AOC2: variants seen among roughly 807,000 people sequenced by gnomAD.
The protein encoded by AOC2 is amine oxidase copper containing 2.
A neutral mutation model predicts 53.8 loss-of-function variants in AOC2; 57 were observed. The observed-to-expected ratio is 1.06, with a 90% CI of 0.86 to 1.32. The LOEUF is 1.32. Among genes scored for constraint, AOC2 ranks in the 40% most tolerant of loss-of-function variants. The pLI is 0.00. For missense variants in AOC2, 1,008 were observed against 957.2 expected, an observed-to-expected ratio of 1.05 and a Z score of -0.70; for synonymous variants, 404 against 399.0, an observed-to-expected ratio of 1.01 and a Z score of -0.15.
chr17:42,844,825 G>A lies in AOC2; in HGVS notation c.199G>A (p.Val67Met), dbSNP rs2055577088. 12 of 1,613,656 alleles carry A rather than the reference G, an allele frequency of 7.4e-6. No homozygotes were observed. Among genetic ancestry groups the A allele is most frequent in the Admixed American group, 1.7e-5 (1 of 60,016 alleles). The change falls in exon 1 of 4, where the codon GTG (valine) becomes ATG (methionine). Residue 67 changes from valine to methionine, a missense_variant. Transcript: ENST00000253799. ...CCTGAGCCGAGAGGAGTTGACAGCT[G>A]TGATGCGCTTTCTGACCCAGCGGCT... ...ADLSREELTAVMRFLTQRLGP... is the reference protein window; with the variant it reads ...ADLSREELTAMMRFLTQRLGP...
Position 42,844,975 on chromosome 17 carries a change from G to T in AOC2, c.349G>T (p.Ala117Ser). The change falls in exon 1 of 4, where the codon GCC (alanine) becomes TCC (serine). Residue 117 changes from alanine to serine, a missense_variant. Ala to Ser is a moderately conservative substitution (Grantham distance 99). Transcript: ENST00000253799. ...CCTGGACAGGGGGAGCCCCCCACCT[G>T]CCCGGGAGGCACTGGCCATCGTCCT... ...AHLDRGSPPP[A>S]REALAIVLFG... is the part of the protein sequence containing the mutation. 6.2e-7 allele frequency: 1 copy of T among 1,611,072 alleles called. No homozygotes were observed. Among genetic ancestry groups the T allele is most frequent in the East Asian group, 2.2e-5 (1 of 44,824 alleles).
rs201532019 is a variant in AOC2, at chr17:42,845,352, A to G, written c.726A>G (p.Leu242=). The change falls in exon 1 of 4, where the codon CTA becomes CTG. Residue 242 remains leucine (L), a synonymous_variant. Coordinates refer to ENST00000253799, the MANE Select transcript of AOC2 (RefSeq NM_009590.4). ...LFLHPVGLEL[L]LDHRALDPAH... is the part of the protein sequence containing the mutation. The stretch of plus-strand genomic sequence containing the variant: ...TTCACCCCGTGGGGCTGGAGCTACT[A>G]CTGGACCACAGGGCCCTGGACCCTG... The G allele has an allele frequency of 6.2e-7, 1 of 1,614,066 alleles. No homozygotes were observed. The highest frequency in any genetic ancestry group is 8.5e-7 in the Non-Finnish European group (1 of 1,179,978).
rs768112479 is a variant in AOC2, at chr17:42,850,109, T to G, written c.2032T>G (p.Phe678Val). The part of the protein sequence containing the change: ...EDLVAWVTAS[F>V]LHIPHAEDIP... ...TCTGGTGGCTTGGGTCACAGCCAGC[T>G]TCCTGCACATTCCCCATGCCGAGGA... The change falls in exon 4 of 4, where the codon TTC becomes GTC. Residue 678 changes from phenylalanine (F) to valine (V), a missense_variant. Coordinates refer to ENST00000253799, the MANE Select transcript of AOC2 (RefSeq NM_009590.4). The G allele has an allele frequency of 6.2e-7, 1 of 1,614,180 alleles. No homozygotes were observed. Among genetic ancestry groups the G allele is most frequent in the Admixed American group, 1.7e-5 (1 of 60,014 alleles).
Position 42,845,327 on chromosome 17 carries a change from T to G in AOC2, c.701T>G (p.Leu234Arg). ...YHNISGVGLFLHPVGLELLLD... is the reference protein window; with the variant it reads ...YHNISGVGLFRHPVGLELLLD... The stretch of plus-strand genomic sequence containing the variant: ...AACATCTCAGGGGTTGGTCTTTTCC[T>G]TCACCCCGTGGGGCTGGAGCTACTA... Residue 234 changes from leucine to arginine, a missense_variant, in exon 1 of 4, where the codon CTT becomes CGT. Transcript: ENST00000253799. 2 of 1,614,166 alleles carry G rather than the reference T, an allele frequency of 1.2e-6. No individual in the cohort carries two copies. The highest frequency in any genetic ancestry group is 1.7e-6 in the Non-Finnish European group (2 of 1,180,012).
At chr17:42,849,866 C>A in intron 3 of AOC2, 136 bp downstream of exon 3, 1 of 1,345,114 alleles carries the variant, frequency 7.4e-7, no homozygotes, top group Non-Finnish European at 1.0e-6. Context: ...TTCTGATGAC[C>A]AACACAGGTC....
In AOC2 at chr17:42,845,158, C is replaced by T. The variant is rs2055582951; in HGVS notation, c.532C>T (p.His178Tyr). The change falls in exon 1 of 4, where the codon CAT becomes TAT. Residue 178 changes from histidine to tyrosine, a missense_variant. By Grantham distance (83) the His-to-Tyr change is moderately conservative. Coordinates refer to ENST00000253799, the MANE Select transcript of AOC2 (RefSeq NM_009590.4). ...AGCTGAGTTTACACAGATGTGGAGG[C>T]ATCTGAAAGAGGTGGAGCTACCCAA... ...LRAEFTQMWRHLKEVELPKAP... is the reference protein window; with the variant it reads ...LRAEFTQMWRYLKEVELPKAP... 6.2e-7 allele frequency: 1 copy of T among 1,613,798 alleles called. No individual in the cohort carries two copies. The highest frequency in any genetic ancestry group is 8.5e-7 in the Non-Finnish European group (1 of 1,180,024).
rs1218565108 is a variant in AOC2 at position 42,849,180 on chromosome 17, T to C, written c.1683T>C (p.Thr561=). Residue 561 remains threonine (T), a synonymous_variant, in exon 2 of 4, where the codon ACT becomes ACC. Transcript: ENST00000253799. ...ACTGGCTACAGCGCCCACAGCTGAC[T>C]CGGCAGGTCCTGGGAAAGGAGGACC... is the stretch of plus-strand genomic sequence containing the variant. ...PEHWLQRPQL[T]RQVLGKEDLT... 1.2e-6 allele frequency: 2 copies of C among 1,614,136 alleles called. No homozygotes were observed. The highest frequency in any genetic ancestry group is 1.1e-5 in the South Asian group (1 of 91,080).
rs1363133314 is a variant in AOC2 at position 42,844,855 on chromosome 17, C to T, written c.229C>T (p.Pro77Ser). The part of the protein sequence containing the change: ...VMRFLTQRLG[P>S]GLVDAAQAQP... The stretch of plus-strand genomic sequence containing the variant: ...GCGCTTTCTGACCCAGCGGCTGGGG[C>T]CAGGGCTGGTGGACGCAGCCCAGGC... The change falls in exon 1 of 4, where the codon CCA (proline) becomes TCA (serine). Residue 77 changes from proline to serine, a missense_variant. Coordinates refer to ENST00000253799, the MANE Select transcript of AOC2 (RefSeq NM_009590.4). 9.9e-6 allele frequency: 16 copies of T among 1,611,470 alleles called. No individual in the cohort carries two copies. The highest frequency in any genetic ancestry group is 1.3e-5 in the Non-Finnish European group (15 of 1,178,568).
rs374132722 is a variant in AOC2 at position 42,849,099 on chromosome 17, G to T, written c.1602G>T (p.Trp534Cys). Residue 534 changes from tryptophan (W) to cysteine (C), a missense_variant, in exon 2 of 4, where the codon TGG becomes TGT. Transcript: ENST00000253799. ...TCCCCCTGGCAGGGCTGAAAAACTG[G>T]GTGGTAGCTGAAGACGTGGTGTTTA... ...LDLDVAGLKNWVVAEDVVFKP... is the reference protein window; with the variant it reads ...LDLDVAGLKNCVVAEDVVFKP... 1.2e-6 allele frequency: 2 copies of T among 1,608,886 alleles called. No homozygotes were observed. The highest frequency in any genetic ancestry group is 2.2e-5 in the South Asian group (2 of 90,962).
At chr17:42,847,125 AG>A (rs2055605752) in intron 1 of AOC2, among the ~76,000 whole-genome samples, 1 of 152,184 alleles carries the variant, frequency 6.6e-6, no homozygotes, top group African/African-American at 2.4e-5. Flanking sequence ...AGTGGTGTGG[AG>A]GGTAGGAAGG....
chr17:42,845,595 G>T lies in AOC2; in HGVS notation c.969G>T (p.Leu323=), dbSNP rs142820992. The T allele has an allele frequency of 1.4e-5, 23 of 1,614,088 alleles. No homozygotes were observed. Among genetic ancestry groups the T allele is most frequent in the African/African-American group, 8.0e-5 (6 of 74,930 alleles). The part of the protein sequence containing the change: ...QGSQYSVQGN[L]VVSSLWSFTF... ...CCCAGTACAGTGTGCAAGGAAACCT[G>T]GTGGTATCCTCCCTCTGGTCATTTA... The change falls in exon 1 of 4, where the codon CTG becomes CTT. Residue 323 remains leucine, a synonymous_variant. Transcript: ENST00000253799.
chr17:42,850,277 C>A lies in AOC2; in HGVS notation c.2200C>A (p.Pro734Thr), dbSNP rs1244813827. ...GQDAGLCSIN[P>T]VACLPDLAAC... ...GGATGCTGGGCTCTGCAGCATCAAT[C>A]CTGTGGCCTGCCTCCCCGACCTGGC... The change falls in exon 4 of 4, where the codon CCT becomes ACT. Residue 734 changes from proline to threonine, a missense_variant. Pro to Thr is a conservative substitution (Grantham distance 38, BLOSUM62 -1). Transcript: ENST00000253799. 1 of 1,613,840 alleles carries A rather than the reference C, an allele frequency of 6.2e-7. No homozygotes were observed. Among genetic ancestry groups the A allele is most frequent in the Non-Finnish European group, 8.5e-7 (1 of 1,179,826 alleles).
chr17:42,847,112 C>T (rs146035064), intron 1 of AOC2, among the ~76,000 whole-genome samples: 33 of 152,276 alleles, frequency 2.2e-4, no homozygotes, highest in Admixed American at 3.9e-4. Context: ...CACTTGTGTT[C>T]GCAGTGGTGT....
chr17:42,844,832 G>T lies in AOC2; in HGVS notation c.206G>T (p.Arg69Leu). Reference sequence around the variant, plus strand: ...CGAGAGGAGTTGACAGCTGTGATGCGCTTTCTGACCCAGCGGCTGGGGCCA... The same window carrying T: ...CGAGAGGAGTTGACAGCTGTGATGCTCTTTCTGACCCAGCGGCTGGGGCCA... ...LSREELTAVM[R>L]FLTQRLGPGL... The change falls in exon 1 of 4, where the codon CGC becomes CTC. Residue 69 changes from arginine (R) to leucine (L), a missense_variant. By Grantham distance (102) the Arg-to-Leu change is moderately radical. Coordinates refer to ENST00000253799, the MANE Select transcript of AOC2 (RefSeq NM_009590.4). 1 of 1,612,992 alleles carries T rather than the reference G, an allele frequency of 6.2e-7. No homozygotes were observed. The highest frequency in any genetic ancestry group is 8.5e-7 in the Non-Finnish European group (1 of 1,179,144).
chr17:42,847,965 A>G (rs769422706), intron 1 of AOC2, among the ~76,000 whole-genome samples: 1 of 147,864 alleles, frequency 6.8e-6, no homozygotes. Context: ...TTAAGTAGAG[A>G]TGGGGTTTCA....
At position 42,844,739 on chromosome 17, in the gene AOC2, C is replaced by T; in HGVS notation, c.113C>T (p.Pro38Leu). 6.2e-7 allele frequency: 1 copy of T among 1,614,238 alleles called. No individual in the cohort carries two copies. The highest frequency in any genetic ancestry group is 8.5e-7 in the Non-Finnish European group (1 of 1,180,042). Residue 38 changes from proline to leucine, a missense_variant, in exon 1 of 4, where the codon CCC becomes CTC. By Grantham distance (98) the Pro-to-Leu change is moderately conservative. Transcript: ENST00000253799. ...GGTTCCAGCCAGCCTCCCCACTGCC[C>T]CTCTGTATCCCATAGGGCCCAGCCC... ...PGGSSQPPHC[P>L]SVSHRAQPWP...
In AOC2 at chr17:42,850,302, C is replaced by T; in HGVS notation, c.2225C>T (p.Ala742Val). The T allele has an allele frequency of 6.2e-7, 1 of 1,613,340 alleles. No individual in the cohort carries two copies. The highest frequency in any genetic ancestry group is 8.5e-7 in the Non-Finnish European group (1 of 1,179,340). ...CCTGTGGCCTGCCTCCCCGACCTGG[C>T]AGCCTGTGTCCCGGACTTACCCCCT... ...INPVACLPDL[A>V]ACVPDLPPFS... Residue 742 changes from alanine (A) to valine (V), a missense_variant, in exon 4 of 4, where the codon GCA becomes GTA. Coordinates refer to ENST00000253799, the MANE Select transcript of AOC2 (RefSeq NM_009590.4).
rs773702740 is a variant in AOC2, at chr17:42,849,611, G to T, written c.1885G>T (p.Val629Leu). ...ATGATTCCTGGCCAGATACCAGCTT[G>T]TGGTGACCCAGAGAAAGGAGGAGGA... is the stretch of plus-strand genomic sequence containing the variant. The part of the protein sequence containing the change: ...RALSWGRYQL[V>L]VTQRKEEESQ... Residue 629 changes from valine (V) to leucine (L), a missense_variant, in exon 3 of 4, where the codon GTG (valine) becomes TTG (leucine). Val to Leu is a conservative substitution (Grantham distance 32, BLOSUM62 1). Coordinates refer to ENST00000253799, the MANE Select transcript of AOC2 (RefSeq NM_009590.4). 2 of 1,613,312 alleles carry T rather than the reference G, an allele frequency of 1.2e-6. No homozygotes were observed. The highest frequency in any genetic ancestry group is 1.7e-6 in the Non-Finnish European group (2 of 1,180,036).
At chr17:42,849,425 A>T (rs2055628733) in intron 2 of AOC2, 54 bp downstream of exon 2, 1 of 1,588,556 alleles carries the variant, frequency 6.3e-7, no homozygotes, top group Non-Finnish European at 8.6e-7. Flanking sequence ...CCCCTGCCCC[A>T]GTCCTTGGAG....
Sources: allele counts gnomAD v4.1 joint callset (sites outside exome capture counted in the v4.1 genomes callset), GRCh38; gene constraint gnomAD v4.1.1; transcripts MANE v1.5; gene names NCBI Gene and HGNC (gene_info 2026-07-23, HGNC 2026-07-21).